The following CMSS1 variants were observed in gnomAD, a reference collection of about 807,000 sequenced individuals.
CMSS1 encodes cms1 ribosomal small subunit homolog, also known as protein CMSS1.
In CMSS1, 33 loss-of-function variants were observed where a neutral mutation model predicts 43.5. That is an observed-to-expected ratio of 0.76 (90% CI 0.57 to 1.01). CMSS1 has a LOEUF of 1.01. Among genes scored for constraint, CMSS1 ranks in the 50% least tolerant of loss-of-function variants. The probability of loss-of-function intolerance (pLI) is 0.00; values close to 1 mark genes in which losing one functional copy is unlikely to be tolerated. For synonymous variants in CMSS1, 115 were observed against 117.2 expected (o/e 0.98, Z 0.12); for missense variants, 313 against 326.4 (o/e 0.96, Z 0.32).
At chr3:100,019,159 A>G (rs1329220342) in intron 1 of CMSS1, among the ~76,000 whole-genome samples, 1 of 152,206 alleles carries the variant, frequency 6.6e-6, no homozygotes, top group Non-Finnish European at 1.5e-5. Flanking sequence ...CTTATTATCC[A>G]TCAATTCCAT....
chr3:99,952,110 A>G (rs998762671), intron 1 of CMSS1, among the ~76,000 whole-genome samples: 1 of 152,056 alleles, frequency 6.6e-6, no homozygotes, highest in Admixed American at 6.5e-5. Context: ...TAGATTTGGC[A>G]CAGGCATCAC....
At chr3:99,876,904 A>G (rs968032825) in intron 1 of CMSS1, among the ~76,000 whole-genome samples, 10 of 152,222 alleles carry the variant, frequency 6.6e-5, no homozygotes, top group Admixed American at 1.3e-4. Flanking sequence ...TTTGTGCTGT[A>G]CTTTCAAGAC....
intron 1 of CMSS1, among the ~76,000 whole-genome samples, chr3:99,996,622 C>T (rs1384077469): frequency 2.0e-5 from 3 of 152,174 alleles, no homozygotes; most frequent in Non-Finnish European, 4.4e-5. Context: ...ATTGGACTTA[C>T]AGTTCCACAT....
At chr3:99,964,831 A>G (rs1455827896) in intron 1 of CMSS1, among the ~76,000 whole-genome samples, 3 of 152,112 alleles carry the variant, frequency 2.0e-5, no homozygotes, top group South Asian at 2.1e-4. Context: ...CTCATCTACT[A>G]TGCTCCCTGT....
chr3:99,857,607 A>C (rs1013616952), intron 1 of CMSS1, among the ~76,000 whole-genome samples: 2 of 152,200 alleles, frequency 1.3e-5, no homozygotes, highest in African/African-American at 4.8e-5. Context: ...TAAAACATCA[A>C]TTATGTTTCT....
intron 1 of CMSS1, among the ~76,000 whole-genome samples, chr3:99,835,509 A>G (rs889175974): frequency 8.5e-5 from 13 of 152,192 alleles, no homozygotes; most frequent in African/African-American, 2.7e-4. Context: ...TATGAGCACT[A>G]TTTAAGTCCT....
At chr3:100,071,090 CTTTTTTTT>C (rs61563009) in intron 1 of CMSS1, among the ~76,000 whole-genome samples, 17 of 70,580 alleles carry the variant, frequency 2.4e-4, no homozygotes, top group South Asian at 1.6e-3. Context: ...GCTACTCTCT[CTTTTTTTT>C]TTTTTTTTTT....
intron 1 of CMSS1, among the ~76,000 whole-genome samples, chr3:99,987,541 A>G (rs1175789895): frequency 6.6e-6 from 1 of 151,674 alleles, no homozygotes; most frequent in Non-Finnish European, 1.5e-5. Flanking sequence ...AAAAAAAAAA[A>G]AAAAAGAAAG....
At chr3:100,061,550 T>C (rs972817051) in intron 1 of CMSS1, among the ~76,000 whole-genome samples, 1 of 152,212 alleles carries the variant, frequency 6.6e-6, no homozygotes, top group African/African-American at 2.4e-5. Flanking sequence ...AGAAAGAAGA[T>C]GGAACTTTTT....
chr3:99,817,915 A>G lies in CMSS1; in HGVS notation c.-65A>G. 1 of 1,557,556 alleles carries G rather than the reference A, an allele frequency of 6.4e-7. No individual in the cohort carries two copies. Among genetic ancestry groups the G allele is most frequent in the Non-Finnish European group, 8.8e-7 (1 of 1,130,830 alleles). Reference sequence around the variant, plus strand: ...TACGCCGGCCGCCTGGCTTTGAGACAACGTGATTCTCCGCAGCTGGTCGCC... The same window carrying G: ...TACGCCGGCCGCCTGGCTTTGAGACGACGTGATTCTCCGCAGCTGGTCGCC... On this transcript the variant is annotated 5_prime_UTR_variant, in exon 1 of 10. Coordinates refer to ENST00000421999, the MANE Select transcript of CMSS1 (RefSeq NM_032359.4).
intron 1 of CMSS1, among the ~76,000 whole-genome samples, chr3:99,922,256 G>C (rs1473435180): frequency 6.6e-6 from 1 of 152,216 alleles, no homozygotes; most frequent in Non-Finnish European, 1.5e-5. Context: ...GGCCACTAGT[G>C]CCAAACCACA....
intron 1 of CMSS1, among the ~76,000 whole-genome samples, chr3:100,074,188 T>C (rs2065809072): frequency 6.6e-6 from 1 of 152,202 alleles, no homozygotes; most frequent in African/African-American, 2.4e-5. Context: ...CTGTTTATCC[T>C]GCAGTGGAGT....
At chr3:100,056,278 G>C (rs1026183086) in intron 1 of CMSS1, among the ~76,000 whole-genome samples, 1 of 152,132 alleles carries the variant, frequency 6.6e-6, no homozygotes, top group African/African-American at 2.4e-5. Flanking sequence ...AACATTTCCA[G>C]CTGATAAATT....
intron 1 of CMSS1, chr3:100,075,575 T>C (rs927480670): frequency 3.9e-5 from 6 of 151,950 alleles, no homozygotes; most frequent in African/African-American, 1.4e-4. Flanking sequence ...CTTTTTTTTT[T>C]TTTAACTGTC....
intron 1 of CMSS1, among the ~76,000 whole-genome samples, chr3:99,838,104 A>G (rs1227113660): frequency 6.6e-6 from 1 of 152,204 alleles, no homozygotes; most frequent in African/African-American, 2.4e-5. Flanking sequence ...CATGCTTGGC[A>G]TTTGTGCCCT....
In CMSS1 at chr3:100,106,656, A is replaced by G. The variant is rs1000708161; in HGVS notation, c.65-40317A>G. On this transcript the variant is annotated intron_variant, in intron 1 of 9. Coordinates refer to ENST00000421999, the MANE Select transcript of CMSS1 (RefSeq NM_032359.4). ...GGCTGTAGGATCCAGAAGCATATGC[A>G]TGCTCACCTGGCCTAAAGCATGTTG... Among the ~76,000 whole-genome samples the G allele has an allele frequency of 7.6e-4, 115 of 152,182 alleles. 2 individuals carry two copies. The highest frequency in any genetic ancestry group is 7.3e-3 in the Admixed American group (111 of 15,262).
chr3:99,905,489 A>G (rs1273543654), intron 1 of CMSS1, among the ~76,000 whole-genome samples: 2 of 152,156 alleles, frequency 1.3e-5, no homozygotes, highest in African/African-American at 4.8e-5. Context: ...AACATGTAAC[A>G]TACTCCATTT....
At chr3:99,900,681 T>A (rs1012146435) in intron 1 of CMSS1, among the ~76,000 whole-genome samples, 1 of 152,262 alleles carries the variant, frequency 6.6e-6, no homozygotes, top group African/African-American at 2.4e-5. Flanking sequence ...TTGTGTAATC[T>A]TCCCTCTTTC....
intron 1 of CMSS1, among the ~76,000 whole-genome samples, chr3:99,983,448 ATATATATATATGTG>A (rs1709211765): frequency 2.4e-4 from 2 of 8,246 alleles, no homozygotes; most frequent in African/African-American, 1.0e-3. Flanking sequence ...ATATGTATGT[ATATATATATATGTG>A]TGTATATATA....
Sources: gnomAD v4.1 joint callset for allele counts (sites outside exome capture counted in the v4.1 genomes callset) on GRCh38, gnomAD v4.1.1 for gene constraint, MANE v1.5 for transcripts, NCBI Gene and HGNC (gene_info 2026-07-23, HGNC 2026-07-21) for gene names.